Variants in ACTR3C observed in about 807,000 individuals in gnomAD.
ACTR3C encodes actin-related protein 3C.
ACTR3C carries 18 observed loss-of-function variants against 26.3 expected under a neutral mutation model. The observed-to-expected ratio is 0.68, with a 90% confidence interval of 0.47 to 1.01. ACTR3C has a LOEUF of 1.01. Ranked by LOEUF, ACTR3C falls within the 50% of genes least tolerant of loss-of-function variation. ACTR3C has a pLI of 0.00. For missense variants in ACTR3C, 184 were observed against 250.7 expected (o/e 0.73, Z 1.80); for synonymous variants, 55 against 94.5 (o/e 0.58, Z 2.42).
chr7:150,043,146 C>T, the ACTR3C span, among the ~76,000 whole-genome samples: 3 of 150,848 alleles, frequency 2.0e-5, no homozygotes, highest in East Asian at 1.9e-4. Context: ...GAGCTGCGTT[C>T]GGACCCATGT....
the ACTR3C span, among the ~76,000 whole-genome samples, chr7:150,108,622 A>T: frequency 0.11 from 14,551 of 138,062 alleles, 1,069 homozygotes; most frequent in African/African-American, 0.16. Context: ...TATAAATGCA[A>T]TTAATGTATT....
chr7:150,020,651 C>T, the ACTR3C span, among the ~76,000 whole-genome samples: 13 of 151,684 alleles, frequency 8.6e-5, no homozygotes, highest in African/African-American at 2.7e-4. Flanking sequence ...CACCTTGGTA[C>T]GCATCCTGTA....
the ACTR3C span, among the ~76,000 whole-genome samples, chr7:150,152,080 T>C: frequency 6.6e-6 from 1 of 151,460 alleles, no homozygotes; most frequent in South Asian, 2.1e-4. Context: ...TCATGTCATT[T>C]GCAAACAGGG....
At chr7:149,959,807 G>T in the ACTR3C span, among the ~76,000 whole-genome samples, 1 of 152,200 alleles carries the variant, frequency 6.6e-6, no homozygotes, top group Non-Finnish European at 1.5e-5. Flanking sequence ...ACAGGGAAGG[G>T]CTTCATAAGA....
chr7:150,017,066 C>G, the ACTR3C span, among the ~76,000 whole-genome samples: 6 of 151,978 alleles, frequency 3.9e-5, 1 homozygote, highest in South Asian at 8.3e-4. Context: ...GAGTCAACAG[C>G]CAATCTTCTG....
chr7:150,307,870 T>C (rs533868544), intron 1 of ACTR3C, among the ~76,000 whole-genome samples: 85 of 152,316 alleles, frequency 5.6e-4, no homozygotes, highest in African/African-American at 1.7e-3. Context: ...TTTTATTCTC[T>C]TCTCTAACCT....
At chr7:150,034,678 C>T in the ACTR3C span, among the ~76,000 whole-genome samples, 44 of 151,746 alleles carry the variant, frequency 2.9e-4, no homozygotes, top group African/African-American at 1.0e-3. Context: ...AGGTACCTGC[C>T]GTCGGAAGAT....
chr7:150,186,726 C>T, the ACTR3C span, among the ~76,000 whole-genome samples: 12 of 152,240 alleles, frequency 7.9e-5, no homozygotes, highest in East Asian at 5.8e-4. Flanking sequence ...TGCCCAAGTA[C>T]GTTCTTCAGA....
At chr7:149,918,647 G>A in the ACTR3C span, among the ~76,000 whole-genome samples, 1 of 152,166 alleles carries the variant, frequency 6.6e-6, no homozygotes, top group African/African-American at 2.4e-5. Flanking sequence ...TTGAGATCAC[G>A]CCATTGCACT....
At chr7:149,945,719 T>C in the ACTR3C span, among the ~76,000 whole-genome samples, 1 of 152,130 alleles carries the variant, frequency 6.6e-6, no homozygotes, top group African/African-American at 2.4e-5. Context: ...GGACACATGT[T>C]GGCAGCTTCC....
chr7:150,320,284 C>A (rs1797368365), intron 1 of ACTR3C, among the ~76,000 whole-genome samples: 1 of 152,180 alleles, frequency 6.6e-6, no homozygotes, highest in African/African-American at 2.4e-5. Context: ...GGAAGAACGC[C>A]CTACCTCAAA....
rs1836648137 is a variant in ACTR3C at position 150,295,311 on chromosome 7, ACT to A, written c.-17_-16del. 1.9e-6 allele frequency: 3 copies of A among 1,613,996 alleles called. No homozygotes were observed. The highest frequency in any genetic ancestry group is 1.1e-5 in the South Asian group (1 of 91,078). On this transcript the variant is annotated 5_prime_UTR_variant, in exon 2 of 8. Transcript: ENST00000683684. ...GATTCGAACATAATTTCTGCAAGAT[ACT>A]CTCTGTTTTCTGGTGTATTGAGTGG...
chr7:149,979,101 C>T, the ACTR3C span, among the ~76,000 whole-genome samples: 4 of 152,266 alleles, frequency 2.6e-5, no homozygotes, highest in African/African-American at 9.6e-5. Flanking sequence ...CTCCCGTCCA[C>T]ACCACTGGGC....
At chr7:150,010,398 A>G in the ACTR3C span, among the ~76,000 whole-genome samples, 1 of 152,332 alleles carries the variant, frequency 6.6e-6, no homozygotes, top group African/African-American at 2.4e-5. Context: ...GAGATATTTA[A>G]CAGATCCCTG....
the ACTR3C span, among the ~76,000 whole-genome samples, chr7:150,035,640 G>C: frequency 4.4e-5 from 6 of 136,206 alleles, 1 homozygote; most frequent in Admixed American, 7.0e-5. Context: ...CTTTCTACTT[G>C]GACAACTAAC....
the ACTR3C span, among the ~76,000 whole-genome samples, chr7:150,006,653 C>T: frequency 1.1e-4 from 17 of 151,358 alleles, no homozygotes; most frequent in African/African-American, 1.9e-4. Flanking sequence ...GTGCCCTCAA[C>T]AACCCACTGA....
the ACTR3C span, among the ~76,000 whole-genome samples, chr7:150,148,072 T>A: frequency 7.1e-6 from 1 of 141,050 alleles, no homozygotes; most frequent in African/African-American, 2.7e-5. Flanking sequence ...AATAAAATAA[T>A]CTGTACAACA....
intron 1 of ACTR3C, among the ~76,000 whole-genome samples, chr7:150,303,282 G>GAT (rs1229495478): frequency 6.6e-6 from 1 of 152,158 alleles, no homozygotes; most frequent in African/African-American, 2.4e-5. Flanking sequence ...ACACAGAGGT[G>GAT]ATAGCTGGAG....
the ACTR3C span, among the ~76,000 whole-genome samples, chr7:150,142,827 C>CT: frequency 1.3e-5 from 2 of 148,668 alleles, no homozygotes; most frequent in African/African-American, 2.5e-5. Context: ...CTACGCCTGG[C>CT]TTTTTTTTGT....
Sources: allele counts gnomAD v4.1 joint callset (sites outside exome capture counted in the v4.1 genomes callset), GRCh38; gene constraint gnomAD v4.1.1; transcripts MANE v1.5; gene names NCBI Gene and HGNC (gene_info 2026-07-23, HGNC 2026-07-21).